The following CAMTA1 variants were observed in gnomAD, a reference collection of about 807,000 sequenced individuals.
CAMTA1 encodes the protein calmodulin binding transcription activator 1.
CAMTA1 carries 27 observed loss-of-function variants against 170.9 expected under a neutral mutation model. The ratio of observed to expected loss-of-function variants is 0.16; its 90% CI spans 0.12 to 0.22. The LOEUF (loss-of-function observed/expected upper bound fraction) is 0.22, where lower values mean the gene tolerates loss of function less well. Ranked by LOEUF, CAMTA1 falls within the 10% of genes least tolerant of loss-of-function variation. CAMTA1 has a pLI of 1.00. For missense variants in CAMTA1, 1,619 were observed against 2,217.2 expected (o/e 0.73, Z 5.42); for synonymous variants, 833 against 891.5 (o/e 0.93, Z 1.17).
At chr1:7,104,283 C>CAT (rs76196067) in intron 4 of CAMTA1, among the ~76,000 whole-genome samples, 62,726 of 151,766 alleles carry the variant, frequency 0.41, 13,481 homozygotes, top group East Asian at 0.59. Context: ...GCACACAAAA[C>CAT]AAATATTCAA....
chr1:7,297,713 T>C (rs1674169166), intron 5 of CAMTA1, among the ~76,000 whole-genome samples: 1 of 152,238 alleles, frequency 6.6e-6, no homozygotes, highest in Admixed American at 6.5e-5. Flanking sequence ...CCTTCTCCTA[T>C]AATCTAGGCT....
At chr1:7,349,150 G>T (rs886920908) in intron 5 of CAMTA1, among the ~76,000 whole-genome samples, 4 of 152,174 alleles carry the variant, frequency 2.6e-5, no homozygotes, top group Admixed American at 6.5e-5. Context: ...CTCCTCGAGC[G>T]CATGTTAACG....
In CAMTA1 at chr1:7,642,848, G is replaced by A. The variant is rs1316863203; in HGVS notation, c.664+2295G>A. Reference sequence around the variant, plus strand: ...AGACCAGCACTTCCAGCCATCTCAGGGGGCCCGGCTCAGCTCCTCCACCCC... The same window carrying A: ...AGACCAGCACTTCCAGCCATCTCAGAGGGCCCGGCTCAGCTCCTCCACCCC... On this transcript the variant is annotated intron_variant, in intron 7 of 22. Transcript: ENST00000303635. The surrounding 1 kb of genome is among the most constrained non-coding windows in gnomAD (Gnocchi z 6.3). 2.0e-5 allele frequency among the ~76,000 whole-genome samples: 3 copies of A among 152,134 alleles called. No individual in the cohort carries two copies. Among genetic ancestry groups the A allele is most frequent in the Non-Finnish European group, 1.5e-5 (1 of 68,020 alleles).
rs145772134 is a variant in CAMTA1, at chr1:7,347,382, C to A, written c.438+97756C>A. On this transcript the variant is annotated intron_variant, in intron 5 of 22. Coordinates refer to ENST00000303635, the MANE Select transcript of CAMTA1 (RefSeq NM_015215.4). ...CAGGCAGCTCCAGAGCCCAGCCAGT[C>A]GGGCCTCTGCCGTCACACCAGCCCC... Among the ~76,000 whole-genome samples the A allele has an allele frequency of 7.9e-5, 12 of 152,298 alleles. No individual in the cohort carries two copies. In the East Asian group the frequency reaches 2.3e-3, roughly 29 times the overall value.
intron 11 of CAMTA1, 115 bp downstream of exon 11, chr1:7,677,848 C>A: frequency 7.9e-7 from 1 of 1,265,884 alleles, no homozygotes; most frequent in Non-Finnish European, 1.1e-6. Flanking sequence ...GAAGTGGTGC[C>A]AATGTGAGCA....
chr1:7,451,423 A>G (rs1311345437), intron 5 of CAMTA1, among the ~76,000 whole-genome samples: 1 of 152,036 alleles, frequency 6.6e-6, no homozygotes, highest in African/African-American at 2.4e-5. Flanking sequence ...CTGCCTACGG[A>G]GGGTCACAGC....
chr1:7,707,903 G>A (rs2096538996), intron 11 of CAMTA1, among the ~76,000 whole-genome samples: 1 of 152,148 alleles, frequency 6.6e-6, no homozygotes, highest in South Asian at 2.1e-4. Context: ...ATTCTCTTAT[G>A]TGACTACATT....
intron 3 of CAMTA1, among the ~76,000 whole-genome samples, chr1:6,851,981 T>C (rs1361662042): frequency 2.9e-5 from 4 of 139,512 alleles, no homozygotes; most frequent in Admixed American, 2.3e-4. Context: ...ACCAAAGTAC[T>C]CCAGCCTAGG....
intron 5 of CAMTA1, among the ~76,000 whole-genome samples, chr1:7,276,303 A>ATATATATATATATAATTTTT: frequency 4.1e-5 from 1 of 24,226 alleles, no homozygotes; most frequent in African/African-American, 3.0e-4. Flanking sequence ...ATATATATAT[A>ATATATATATATATAATTTTT]TTTTTTTTTT....
At chr1:7,107,456 A>T (rs540426961) in intron 4 of CAMTA1, among the ~76,000 whole-genome samples, 2 of 152,152 alleles carry the variant, frequency 1.3e-5, no homozygotes, top group South Asian at 4.2e-4. Context: ...GCATGCCCTG[A>T]TAGGGTCGGG....
chr1:7,015,221 G>T (rs1344801019), intron 3 of CAMTA1, among the ~76,000 whole-genome samples: 1 of 152,112 alleles, frequency 6.6e-6, no homozygotes. Flanking sequence ...TTGTTGGACC[G>T]AGTGGGATCA....
At chr1:7,384,731 A>G (rs753179849) in intron 5 of CAMTA1, among the ~76,000 whole-genome samples, 6 of 152,192 alleles carry the variant, frequency 3.9e-5, no homozygotes, top group Non-Finnish European at 8.8e-5. Context: ...TCACTTCAGC[A>G]TGTAACTGGG....
At chr1:7,363,200 A>G (rs2085689103) in intron 5 of CAMTA1, among the ~76,000 whole-genome samples, 1 of 152,226 alleles carries the variant, frequency 6.6e-6, no homozygotes, top group South Asian at 2.1e-4. Flanking sequence ...ACTCATGGAC[A>G]TGAGCTGGGC....
At chr1:7,277,473 G>GTGTA (rs796757038) in intron 5 of CAMTA1, among the ~76,000 whole-genome samples, 20 of 149,442 alleles carry the variant, frequency 1.3e-4, no homozygotes, top group African/African-American at 4.8e-4. Context: ...GTGTGTGTGT[G>GTGTA]TGTGTGTGTG....
Position 7,028,876 on chromosome 1 carries a change from G to A in CAMTA1, c.235-62428G>A, listed in dbSNP as rs1319947587. Reference sequence around the variant, plus strand: ...CAAATTGTATATTGTACAAAAATGCGACATGTTGTCAGATAAGTACTAAGA... The same window carrying A: ...CAAATTGTATATTGTACAAAAATGCAACATGTTGTCAGATAAGTACTAAGA... On this transcript the variant is annotated intron_variant, in intron 3 of 22. Coordinates refer to ENST00000303635, the MANE Select transcript of CAMTA1 (RefSeq NM_015215.4). Among the ~76,000 whole-genome samples, 6 of 151,904 alleles carry A rather than the reference G, an allele frequency of 3.9e-5. No homozygotes were observed. The East Asian group carries it at 1.2e-3, about 29-fold the overall frequency.
Position 7,103,866 on chromosome 1 carries a change from C to T in CAMTA1, c.302+12495C>T, listed in dbSNP as rs199537348. On this transcript the variant is annotated intron_variant, in intron 4 of 22. Transcript: ENST00000303635. ...CATGTACACACAACACACATACACA[C>T]ACACACAACTACACACATGTACACA... Among the ~76,000 whole-genome samples, 8 of 148,508 alleles carry T rather than the reference C, an allele frequency of 5.4e-5. No homozygotes were observed. The South Asian group carries it at 6.5e-4, about 12-fold the overall frequency.
intron 22 of CAMTA1, among the ~76,000 whole-genome samples, chr1:7,758,790 C>A (rs2096951684): frequency 6.6e-6 from 1 of 151,890 alleles, no homozygotes; most frequent in Non-Finnish European, 1.5e-5. Context: ...AAAAAATTAG[C>A]CGGTTGCGGT....
intron 3 of CAMTA1, among the ~76,000 whole-genome samples, chr1:6,980,344 G>C (rs1243895789): frequency 2.6e-5 from 4 of 152,174 alleles, no homozygotes; most frequent in African/African-American, 9.7e-5. Flanking sequence ...GAAGTGGCTG[G>C]TATTAGGTGG....
chr1:7,648,978 C>T (rs573024039), intron 7 of CAMTA1, among the ~76,000 whole-genome samples: 5 of 152,330 alleles, frequency 3.3e-5, no homozygotes, highest in East Asian at 3.9e-4. Flanking sequence ...CATCCAGGTG[C>T]GAGGAGGGCA....
Sources: gnomAD v4.1 joint callset for allele counts (sites outside exome capture counted in the v4.1 genomes callset) on GRCh38, gnomAD v4.1.1 for gene constraint, Gnocchi (gnomAD v3.1) non-coding constraint, MANE v1.5 for transcripts, NCBI Gene and HGNC (gene_info 2026-07-23, HGNC 2026-07-21) for gene names.